Variants in SSBP3 observed in about 807,000 individuals in gnomAD.
SSBP3 encodes single-stranded DNA-binding protein 3.
Under a neutral mutation model 69.6 loss-of-function variants are expected in SSBP3, and 5 were observed. That is an observed-to-expected ratio of 0.07 (90% CI 0.04 to 0.15). The LOEUF is 0.15. Among genes scored for constraint, SSBP3 ranks in the 10% least tolerant of loss-of-function variants. SSBP3 has a pLI of 1.00. For synonymous variants in SSBP3, 196 were observed against 193.4 expected (o/e 1.01, Z -0.11); for missense variants, 312 against 534.0 (o/e 0.58, Z 4.10).
intron 4 of SSBP3, among the ~76,000 whole-genome samples, chr1:54,339,479 G>A (rs950704174): frequency 3.3e-5 from 5 of 152,116 alleles, no homozygotes; most frequent in Non-Finnish European, 5.9e-5. Context: ...AAACAGGAAT[G>A]ATAGCAGTAA....
At chr1:54,351,043 G>C (rs1350241226) in intron 4 of SSBP3, among the ~76,000 whole-genome samples, 2 of 152,046 alleles carry the variant, frequency 1.3e-5, no homozygotes, top group Non-Finnish European at 2.9e-5. Context: ...GCCCAGGCTG[G>C]TCTCGAACTC....
chr1:54,383,621 G>A lies in SSBP3; in HGVS notation c.276+18240C>T, dbSNP rs923505534. Among the ~76,000 whole-genome samples the A allele has an allele frequency of 4.6e-5, 7 of 152,064 alleles. 1 individual carries two copies. Among genetic ancestry groups the A allele is most frequent in the South Asian group, 2.1e-4 (1 of 4,824 alleles). ...TAGACTTGTATGACCTGATAAAATC[G>A]CCACCAACCCTGAATTACAGGGTGT... is the stretch of plus-strand genomic sequence containing the variant. On this transcript the variant is annotated intron_variant, in intron 4 of 17. Coordinates refer to ENST00000610401, the Ensembl canonical transcript of SSBP3.
At chr1:54,241,346 T>C in intron 12 of SSBP3, 128 bp downstream of exon 12, 1 of 1,075,710 alleles carries the variant, frequency 9.3e-7, no homozygotes, top group Non-Finnish European at 1.4e-6. Flanking sequence ...GACAGCAAGT[T>C]CTAGCAGTTT....
chr1:54,384,383 G>A (rs948056263), intron 4 of SSBP3, among the ~76,000 whole-genome samples: 1 of 152,226 alleles, frequency 6.6e-6, no homozygotes, highest in African/African-American at 2.4e-5. Context: ...CAAATGCACA[G>A]ACTGCACAGA....
intron 4 of SSBP3, among the ~76,000 whole-genome samples, chr1:54,287,791 G>T (rs562433107): frequency 1.3e-5 from 2 of 152,152 alleles, no homozygotes; most frequent in African/African-American, 4.8e-5. Context: ...TTCAAAGAAG[G>T]GAAGGGGACA....
intron 4 of SSBP3, among the ~76,000 whole-genome samples, chr1:54,367,290 C>T (rs898546378): frequency 1.7e-4 from 26 of 152,114 alleles, no homozygotes; most frequent in African/African-American, 6.3e-4. Flanking sequence ...TACCAGCCAT[C>T]GTTTTGGAGT....
chr1:54,251,969 T>A, intron 7 of SSBP3, 109 bp from the exon 8 acceptor site: 1 of 914,080 alleles, frequency 1.1e-6, no homozygotes, highest in Non-Finnish European at 1.7e-6. Context: ...GTGGAGCCAC[T>A]CATGGCCTCC....
upstream of SSBP3, among the ~76,000 whole-genome samples, chr1:54,408,582 T>C (rs577310784): frequency 2.6e-5 from 4 of 152,324 alleles, no homozygotes; most frequent in African/African-American, 9.6e-5. Context: ...CTCAACCAGA[T>C]TGGCCATGCC....
At chr1:54,307,637 C>G (rs1645924180) in intron 4 of SSBP3, among the ~76,000 whole-genome samples, 1 of 152,150 alleles carries the variant, frequency 6.6e-6, no homozygotes, top group Admixed American at 6.5e-5. Context: ...GACAGGAGGT[C>G]AGCACAAAAT....
chr1:54,407,506 C>T (rs372334408), upstream of SSBP3, among the ~76,000 whole-genome samples: 1 of 152,034 alleles, frequency 6.6e-6, no homozygotes, highest in South Asian at 2.1e-4. Context: ...CTGCCCACGC[C>T]GAGAACCCAG....
At chr1:54,320,530 G>A (rs899606988) in intron 4 of SSBP3, among the ~76,000 whole-genome samples, 4 of 152,136 alleles carry the variant, frequency 2.6e-5, no homozygotes, top group African/African-American at 9.7e-5. Context: ...GTGTTAGCAA[G>A]GATGGTCTTG....
chr1:54,395,865 C>T (rs912976017), intron 4 of SSBP3, among the ~76,000 whole-genome samples: 1 of 152,088 alleles, frequency 6.6e-6, no homozygotes, highest in African/African-American at 2.4e-5. Flanking sequence ...CAGACACAAA[C>T]ACTGCTAAAA....
At chr1:54,409,259 C>T (rs1649927610), upstream of SSBP3, among the ~76,000 whole-genome samples, 1 of 152,062 alleles carries the variant, frequency 6.6e-6, no homozygotes, top group African/African-American at 2.4e-5. Context: ...CCATCTCCTC[C>T]ACAAAAACCT....
Position 54,347,785 on chromosome 1 carries a change from GAAGAT to G in SSBP3, c.276+54071_276+54075del, listed in dbSNP as rs143049719. 7.6e-3 allele frequency among the ~76,000 whole-genome samples: 1,160 copies of G among 152,350 alleles called. 11 individuals carry two copies. The highest frequency in any genetic ancestry group is 0.026 in the African/African-American group (1,095 of 41,562). ...AATGCCAAGGATTGCAGCAACGCTG[GAAGAT>G]AAGAGAAAGGCATGGGCAGATGCTC... is the stretch of plus-strand genomic sequence containing the variant. On this transcript the variant is annotated intron_variant, in intron 4 of 17. Transcript: ENST00000610401.
intron 4 of SSBP3, among the ~76,000 whole-genome samples, chr1:54,375,698 A>G (rs1647209259): frequency 6.6e-6 from 1 of 152,212 alleles, no homozygotes; most frequent in Admixed American, 6.5e-5. Context: ...AGCACCTCAG[A>G]GTTCACATAG....
At chr1:54,395,833 C>A (rs1648823567) in intron 4 of SSBP3, among the ~76,000 whole-genome samples, 1 of 152,044 alleles carries the variant, frequency 6.6e-6, no homozygotes, top group Admixed American at 6.6e-5. Context: ...GATTCAAAAC[C>A]CAGGGAAAGA....
At chr1:54,273,146 G>A (rs1645224723) in intron 5 of SSBP3, among the ~76,000 whole-genome samples, 1 of 152,256 alleles carries the variant, frequency 6.6e-6, no homozygotes, top group Non-Finnish European at 1.5e-5. Context: ...TTGTTACCGA[G>A]CAAATCTCCC....
intron 4 of SSBP3, among the ~76,000 whole-genome samples, chr1:54,380,119 C>T (rs1647502438): frequency 6.6e-6 from 1 of 152,204 alleles, no homozygotes; most frequent in African/African-American, 2.4e-5. Flanking sequence ...GCTCCTCCCT[C>T]TCCTAGGGTC....
chr1:54,231,427 G>A (rs974932729), intron 14 of SSBP3, among the ~76,000 whole-genome samples: 1 of 152,144 alleles, frequency 6.6e-6, no homozygotes, highest in Non-Finnish European at 1.5e-5. Context: ...TTGAATTCAA[G>A]TCCCTTATCA....
Sources: gnomAD v4.1 joint callset for allele counts (sites outside exome capture counted in the v4.1 genomes callset) on GRCh38, gnomAD v4.1.1 for gene constraint, MANE v1.5 for transcripts, NCBI Gene and HGNC (gene_info 2026-07-23, HGNC 2026-07-21) for gene names.